FOXN3: variants seen among roughly 807,000 people sequenced by gnomAD.
The protein encoded by FOXN3 is forkhead box N3.
In FOXN3, 7 loss-of-function variants were observed where a neutral mutation model predicts 38.4. The ratio of observed to expected loss-of-function variants is 0.18; its 90% CI spans 0.10 to 0.34. The LOEUF is 0.34. Among genes scored for constraint, FOXN3 ranks in the 10% least tolerant of loss-of-function variants. The pLI, the probability that FOXN3 is intolerant of heterozygous loss-of-function variation, is 1.00. For missense variants in FOXN3, 456 were observed against 613.4 expected (o/e 0.74, Z 2.71); for synonymous variants, 230 against 242.2 (o/e 0.95, Z 0.47).
At chr14:89,225,582 C>T (rs910983772) in intron 4 of FOXN3, among the ~76,000 whole-genome samples, 6 of 151,666 alleles carry the variant, frequency 4.0e-5, no homozygotes, top group Middle Eastern at 3.4e-3. Flanking sequence ...CCAGCCTGGG[C>T]GACAGAGCAA....
intron 1 of FOXN3, among the ~76,000 whole-genome samples, chr14:89,460,632 TAAGTA>T (rs1274350053): frequency 6.6e-6 from 1 of 150,986 alleles, no homozygotes; most frequent in Non-Finnish European, 1.5e-5. Flanking sequence ...GAAAATTAAT[TAAGTA>T]GAGTTATCAA....
chr14:89,455,873 C>A (rs1052594505), intron 1 of FOXN3, among the ~76,000 whole-genome samples: 2 of 152,058 alleles, frequency 1.3e-5, no homozygotes, highest in Non-Finnish European at 2.9e-5. Context: ...TTAAAGGATC[C>A]GAATCTCTAC....
chr14:89,230,720 C>T (rs772620706), intron 4 of FOXN3: 37 of 311,822 alleles, frequency 1.2e-4, no homozygotes, highest in East Asian at 2.3e-4. Flanking sequence ...AACTGCACTA[C>T]GCACACGACA....
rs1414154697 is a variant in FOXN3 at position 89,158,601 on chromosome 14, A to AT, written c.*3812_*3813insA. ...ACTGATTAGGGAGGGGCAGGGAAGT[A>AT]GGAGCTTATGGTATATTATAAGGCT... On this transcript the variant is annotated 3_prime_UTR_variant, in exon 6 of 6. Transcript: ENST00000557258. The AT allele has an allele frequency of 2.6e-5, 4 of 152,650 alleles. No individual in the cohort carries two copies. The highest frequency in any genetic ancestry group is 4.4e-5 in the Non-Finnish European group (3 of 68,042). 9.5% of individuals were successfully genotyped at this position (152,650 alleles called of 1,614,324 possible). A position where few individuals can be genotyped will look rare whatever the true frequency, so the allele number is the denominator to read the frequency against.
chr14:89,357,617 A>AC (rs1354190938), intron 2 of FOXN3, among the ~76,000 whole-genome samples: 2 of 152,198 alleles, frequency 1.3e-5, no homozygotes, highest in Non-Finnish European at 2.9e-5. Context: ...TCAAAAAAAA[A>AC]AAAGAGAGAG....
chr14:89,363,980 ATATATAT>A (rs2140046668), intron 2 of FOXN3, among the ~76,000 whole-genome samples: 1 of 89,090 alleles, frequency 1.1e-5, no homozygotes, highest in East Asian at 2.5e-4. Context: ...ATATATATAT[ATATATAT>A]AATATATATA....
intron 4 of FOXN3, among the ~76,000 whole-genome samples, chr14:89,205,469 C>T (rs28571881): frequency 0.036 from 5,435 of 152,318 alleles, 333 homozygotes; most frequent in African/African-American, 0.12. Context: ...ACACTCCCAT[C>T]GTGTGCCCAC....
intron 1 of FOXN3, among the ~76,000 whole-genome samples, chr14:89,415,923 C>T (rs1051337047): frequency 2.0e-5 from 3 of 148,866 alleles, no homozygotes; most frequent in African/African-American, 7.5e-5. Context: ...GTTTTGTTAC[C>T]CTCTTTATTT....
chr14:89,595,200 C>T (rs1896033613), intron 1 of FOXN3, among the ~76,000 whole-genome samples: 1 of 151,872 alleles, frequency 6.6e-6, no homozygotes, highest in Non-Finnish European at 1.5e-5. Context: ...TGGCAGTCGC[C>T]TGTAGTCCCA....
At chr14:89,263,499 T>G (rs1177744675) in intron 4 of FOXN3, 3 of 152,234 alleles carry the variant, frequency 2.0e-5, no homozygotes, top group Non-Finnish European at 4.4e-5. Flanking sequence ...AAAATATGCT[T>G]GAATTGTGAT....
At chr14:89,573,374 GTGTC>G (rs1895534525) in intron 1 of FOXN3, among the ~76,000 whole-genome samples, 1 of 152,182 alleles carries the variant, frequency 6.6e-6, no homozygotes, top group African/African-American at 2.4e-5. Flanking sequence ...GTCTCATACA[GTGTC>G]TGTGAAGTTT....
In FOXN3 at chr14:89,494,590, A is replaced by G. The variant is rs558229115; in HGVS notation, c.-14-82100T>C. Among the ~76,000 whole-genome samples the G allele has an allele frequency of 1.1e-4, 16 of 152,368 alleles. No homozygotes were observed. In the South Asian group the frequency reaches 3.1e-3, roughly 30 times the overall value. ...AAAGGTGAGCATCTTGTCTCCCCTA[A>G]GAACAGTTATCCTGGAATGGCACCA... On this transcript the variant is annotated intron_variant, in intron 1 of 6. Transcript: ENST00000345097.
At chr14:89,354,936 G>C (rs1889146204) in intron 2 of FOXN3, 1 of 151,802 alleles carries the variant, frequency 6.6e-6, no homozygotes, top group Admixed American at 6.6e-5. Flanking sequence ...AATAAGCGAA[G>C]AATATTCATT....
intron 3 of FOXN3, among the ~76,000 whole-genome samples, chr14:89,341,467 T>C (rs988040004): frequency 6.6e-6 from 1 of 152,190 alleles, no homozygotes; most frequent in African/African-American, 2.4e-5. Flanking sequence ...TCCCCCATTC[T>C]ATGTTCTTCA....
chr14:89,501,441 A>G lies in FOXN3; in HGVS notation c.-14-88951T>C, dbSNP rs148767287. On this transcript the variant is annotated intron_variant, in intron 1 of 6. Coordinates refer to the FOXN3 transcript ENST00000345097. ...GAGGGTTTTTCTACCTTGTTGCTCC[A>G]GTATTCCCTAGTGTGTTTCCCTCCT... Among the ~76,000 whole-genome samples, 73 of 152,328 alleles carry G rather than the reference A, an allele frequency of 4.8e-4. 1 individual carries two copies. The East Asian group carries it at 0.012, about 25-fold the overall frequency.
At chr14:89,325,289 C>CCACCAA (rs796102165) in intron 3 of FOXN3, among the ~76,000 whole-genome samples, 10,010 of 125,738 alleles carry the variant, frequency 0.08, 484 homozygotes, top group Middle Eastern at 0.11. Flanking sequence ...AACACCAACA[C>CCACCAA]CACCAACACC....
chr14:89,543,170 A>G (rs443097), intron 1 of FOXN3, among the ~76,000 whole-genome samples: 127,560 of 152,174 alleles, frequency 0.84, 53,704 homozygotes, highest in African/African-American at 0.87. Flanking sequence ...AGGCACAGCC[A>G]ACAAGTACAC....
intron 1 of FOXN3, among the ~76,000 whole-genome samples, chr14:89,584,941 C>T (rs1895813952): frequency 6.6e-6 from 1 of 152,182 alleles, no homozygotes; most frequent in Non-Finnish European, 1.5e-5. Flanking sequence ...GTCTTGAACT[C>T]CTGACCTCAG....
intron 1 of FOXN3, among the ~76,000 whole-genome samples, chr14:89,487,966 A>G (rs1893483675): frequency 6.6e-6 from 1 of 152,214 alleles, no homozygotes; most frequent in Non-Finnish European, 1.5e-5. Context: ...GAGGTTGGAA[A>G]GCGTGAGGGC....
Sources: allele counts gnomAD v4.1 joint callset (sites outside exome capture counted in the v4.1 genomes callset), GRCh38; gene constraint gnomAD v4.1.1; transcripts MANE v1.5; gene names NCBI Gene and HGNC (gene_info 2026-07-23, HGNC 2026-07-21).